The following TRDMT1 variants were observed in gnomAD, a reference collection of about 807,000 sequenced individuals.
TRDMT1 encodes tRNA (cytosine(38)-C(5))-methyltransferase.
In TRDMT1, 49 loss-of-function variants were observed where a neutral mutation model predicts 51.2. The observed-to-expected ratio is 0.96, with a 90% CI of 0.76 to 1.21. The LOEUF is 1.21. TRDMT1 is among the 50% of genes most tolerant of loss of function. TRDMT1 has a pLI of 0.00. For synonymous variants in TRDMT1, 187 were observed against 164.6 expected (o/e 1.14, Z -1.04); for missense variants, 534 against 462.3 (o/e 1.16, Z -1.42).
intron 2 of TRDMT1, among the ~76,000 whole-genome samples, chr10:17,170,454 A>G (rs2131493420): frequency 6.6e-6 from 1 of 152,360 alleles, no homozygotes; most frequent in Non-Finnish European, 1.5e-5. Context: ...AGATAATATT[A>G]GATCAAGTCA....
chr10:17,176,365 G>A (rs1487787403), intron 1 of TRDMT1, among the ~76,000 whole-genome samples: 1 of 152,138 alleles, frequency 6.6e-6, no homozygotes, highest in Non-Finnish European at 1.5e-5. Context: ...GTACAGTGAT[G>A]TGCTGAATCT....
At chr10:17,192,121 T>C (rs1220771912) in intron 1 of TRDMT1, among the ~76,000 whole-genome samples, 4 of 151,766 alleles carry the variant, frequency 2.6e-5, no homozygotes, top group East Asian at 1.9e-4. Flanking sequence ...ATAGATCAGG[T>C]GGTAAAGGTG....
chr10:17,143,004 A>G lies in TRDMT1; in HGVS notation c.*6036T>C, dbSNP rs988552204. On this transcript the variant is annotated 3_prime_UTR_variant, in exon 11 of 11. Transcript: ENST00000377799. ...AGAATACAGTATTTTAAAAAGTTTT[A>G]TTTGCGCTACTTTCCAAAAGCCAAA... The G allele has an allele frequency of 5.2e-5, 51 of 985,290 alleles. No individual in the cohort carries two copies. The highest frequency in any genetic ancestry group is 5.9e-5 in the Non-Finnish European group (49 of 829,932). 61.0% of individuals were successfully genotyped at this position (985,290 alleles called of 1,614,324 possible). A position where few individuals can be genotyped will look rare whatever the true frequency, so the allele number is the denominator to read the frequency against.
At chr10:17,191,519 C>G (rs573145379) in intron 1 of TRDMT1, among the ~76,000 whole-genome samples, 1 of 152,140 alleles carries the variant, frequency 6.6e-6, no homozygotes, top group Middle Eastern at 3.2e-3. Flanking sequence ...TGCATTAGCA[C>G]GTCGGTCAAT....
chr10:17,185,532 A>G lies in TRDMT1; in HGVS notation c.65-10872T>C, dbSNP rs889635261. ...TGTGGCGATTCCTCAGGGATCTAGA[A>G]CTAGAAATACCATCCCATTACTGGG... is the stretch of plus-strand genomic sequence containing the variant. On this transcript the variant is annotated intron_variant, in intron 1 of 10. Transcript: ENST00000377799. 2.0e-5 allele frequency among the ~76,000 whole-genome samples: 3 copies of G among 152,282 alleles called. No homozygotes were observed. In the East Asian group the frequency reaches 5.8e-4, roughly 29 times the overall value.
rs144984858 is a variant in TRDMT1 at position 17,196,140 on chromosome 10, A to G, written c.64+5431T>C. The stretch of plus-strand genomic sequence containing the variant: ...TCGTTGAGGAACAAAGACAAAAGAG[A>G]TTCAGAAAATGAATAATTAATACGT... On this transcript the variant is annotated intron_variant, in intron 1 of 10. Coordinates refer to ENST00000377799, the MANE Select transcript of TRDMT1 (RefSeq NM_004412.7). 7.4e-3 allele frequency among the ~76,000 whole-genome samples: 1,130 copies of G among 152,354 alleles called. 17 individuals are homozygous for G. The highest frequency in any genetic ancestry group is 0.025 in the African/African-American group (1,045 of 41,562).
Position 17,147,291 on chromosome 10 carries a change from G to C in TRDMT1, c.*1749C>G. 1 of 985,578 alleles carries C rather than the reference G, an allele frequency of 1.0e-6. No homozygotes were observed. Among genetic ancestry groups the C allele is most frequent in the Non-Finnish European group, 1.2e-6 (1 of 829,862 alleles). The allele number at this position is 985,578 out of a possible 1,614,324, so 61.1% of individuals were successfully genotyped here. ...TGAACACATATGAAAAATGTAGATA[G>C]TGATAGTTTCTGTATATGGGCTGGC... is the stretch of plus-strand genomic sequence containing the variant. On this transcript the variant is annotated 3_prime_UTR_variant, in exon 11 of 11. Transcript: ENST00000377799.
chr10:17,189,502 G>A (rs936328017), intron 1 of TRDMT1, among the ~76,000 whole-genome samples: 1 of 152,080 alleles, frequency 6.6e-6, no homozygotes, highest in African/African-American at 2.4e-5. Flanking sequence ...ACAAGCTAGA[G>A]ATTAAGTCAC....
At position 17,141,955 on chromosome 10, in the gene TRDMT1, C is replaced by T. The variant is rs1277642739; in HGVS notation, c.*7085G>A. On this transcript the variant is annotated 3_prime_UTR_variant, in exon 11 of 11. Coordinates refer to ENST00000377799, the MANE Select transcript of TRDMT1 (RefSeq NM_004412.7). ...TTCTATTTTGGTTATTTTTCAGTTA[C>T]ATAACTGCCATTTATTTCTATTCTT... is the stretch of plus-strand genomic sequence containing the variant. 2.6e-5 allele frequency among the ~76,000 whole-genome samples: 4 copies of T among 152,208 alleles called. No individual in the cohort carries two copies. Among genetic ancestry groups the T allele is most frequent in the Non-Finnish European group, 4.4e-5 (3 of 68,030 alleles).
chr10:17,152,203 G>A lies in TRDMT1; in HGVS notation c.1075+1304C>T, dbSNP rs923683867. 3.5e-5 allele frequency: 25 copies of A among 711,468 alleles called. No homozygotes were observed. The East Asian group carries it at 4.1e-4, about 12-fold the overall frequency. 44.1% of individuals were successfully genotyped at this position (711,468 alleles called of 1,614,324 possible). On this transcript the variant is annotated intron_variant, in intron 10 of 10. Transcript: ENST00000377799. Reference sequence around the variant, plus strand: ...TATTTGTTTTGTAATGCTGTCACTCGTTTTGTGACATAAACTACAAGGAAA... The same window carrying A: ...TATTTGTTTTGTAATGCTGTCACTCATTTTGTGACATAAACTACAAGGAAA...
intron 2 of TRDMT1, 29 bp downstream of exon 2, chr10:17,174,522 T>C: frequency 6.8e-7 from 1 of 1,480,248 alleles, no homozygotes; most frequent in Non-Finnish European, 9.4e-7. Flanking sequence ...CCTTGCTACA[T>C]ACTTATTAAA....
intron 3 of TRDMT1, among the ~76,000 whole-genome samples, 191 bp from the exon 4 acceptor site, chr10:17,162,428 C>G (rs988227008): frequency 1.3e-5 from 2 of 152,116 alleles, no homozygotes; most frequent in African/African-American, 4.8e-5. Flanking sequence ...AAAAAGGGGT[C>G]CAGGCGCAGA....
intron 1 of TRDMT1, 127 bp from the exon 2 acceptor site, chr10:17,174,787 C>T: frequency 1.3e-6 from 1 of 744,586 alleles, no homozygotes; most frequent in Non-Finnish European, 2.2e-6. Flanking sequence ...CTCAGACTGT[C>T]AGTGGAAGGT....
Position 17,139,261 on chromosome 10 carries a change from G to A in TRDMT1, c.*9779C>T, listed in dbSNP as rs962760091. 1.0e-6 allele frequency: 1 copy of A among 963,386 alleles called. No individual in the cohort carries two copies. The highest frequency in any genetic ancestry group is 1.8e-5 in the African/African-American group (1 of 56,746). 59.7% of individuals were successfully genotyped at this position (963,386 alleles called of 1,614,324 possible). The stretch of plus-strand genomic sequence containing the variant: ...CCCCTAAAATTCCCCAAACAAGGCG[G>A]TGAAGTTAAATATTTAGACACCATT... On this transcript the variant is annotated 3_prime_UTR_variant, in exon 11 of 11. Transcript: ENST00000377799.
rs765064737 is a variant in TRDMT1, at chr10:17,160,356, T to C, written c.408A>G (p.Thr136=). The change falls in exon 6 of 11, where the codon ACA becomes ACG. Residue 136 remains threonine, a synonymous_variant. Coordinates refer to ENST00000377799, the MANE Select transcript of TRDMT1 (RefSeq NM_004412.7). ...VSSTRDLLIQ[T]IENCGFQYQE... is the part of the protein sequence containing the mutation. ...GGTACTGAAAGCCACAATTTTCTAT[T>C]GTTTGTATCAAGAGGTCTCTAAAAA... 1 of 1,563,878 alleles carries C rather than the reference T, an allele frequency of 6.4e-7. No homozygotes were observed. The highest frequency in any genetic ancestry group is 8.7e-7 in the Non-Finnish European group (1 of 1,155,324).
chr10:17,148,619 A>G lies in TRDMT1; in HGVS notation c.*421T>C, dbSNP rs1838318077. The G allele has an allele frequency of 1.0e-6, 1 of 969,254 alleles. No homozygotes were observed. Among genetic ancestry groups the G allele is most frequent in the African/African-American group, 1.8e-5 (1 of 56,896 alleles). The allele number at this position is 969,254 out of a possible 1,614,324, so 60.0% of individuals were successfully genotyped here. ...GATTGGAAATTAAGTAAAACATTCA[A>G]TGGGCTAGAATTAGAATCATTATTT... On this transcript the variant is annotated 3_prime_UTR_variant, in exon 11 of 11. Transcript: ENST00000377799.
rs190661919 is a variant in TRDMT1 at position 17,198,550 on chromosome 10, A to C, written c.64+3021T>G. The stretch of plus-strand genomic sequence containing the variant: ...ATTCTAAGTGAAATAAGCCAGACAC[A>C]AAAGGACAAATGTATTATTCTACTT... On this transcript the variant is annotated intron_variant, in intron 1 of 10. Transcript: ENST00000377799. 7.3e-4 allele frequency among the ~76,000 whole-genome samples: 111 copies of C among 152,358 alleles called. 1 individual carries two copies. The highest frequency in any genetic ancestry group is 3.1e-3 in the Admixed American group (47 of 15,306).
intron 10 of TRDMT1, chr10:17,150,786 T>C: frequency 2.0e-6 from 2 of 984,918 alleles, no homozygotes; most frequent in Non-Finnish European, 2.4e-6. Context: ...CAATTAAACA[T>C]GATCATAAAG....
Position 17,182,622 on chromosome 10 carries a change from T to C in TRDMT1, c.65-7962A>G, listed in dbSNP as rs570858376. Among the ~76,000 whole-genome samples the C allele has an allele frequency of 2.6e-5, 4 of 152,290 alleles. No homozygotes were observed. The South Asian group carries it at 8.3e-4, about 32-fold the overall frequency. On this transcript the variant is annotated intron_variant, in intron 1 of 10. Coordinates refer to ENST00000377799, the MANE Select transcript of TRDMT1 (RefSeq NM_004412.7). ...AGAAAGAAGGTCAAGAGTCTTCAAT[T>C]TGGGGAGTGAAGACTTCCTTATGGT...
Sources: gnomAD v4.1 joint callset for allele counts (sites outside exome capture counted in the v4.1 genomes callset) on GRCh38, gnomAD v4.1.1 for gene constraint, MANE v1.5 for transcripts, NCBI Gene and HGNC (gene_info 2026-07-23, HGNC 2026-07-21) for gene names.